The following PCDHA12 variants were observed in gnomAD, a reference collection of about 807,000 sequenced individuals.
PCDHA12 encodes the protein protocadherin alpha 12.
PCDHA12 carries 44 observed loss-of-function variants against 60.0 expected under a neutral mutation model. That is an observed-to-expected ratio of 0.73 (90% CI 0.58 to 0.94). PCDHA12 has a LOEUF of 0.94. PCDHA12 is among the 40% of genes least tolerant of loss of function. PCDHA12 has a pLI of 0.00. For missense variants in PCDHA12, 1,276 were observed against 1,239.7 expected (o/e 1.03, Z -0.44); for synonymous variants, 569 against 553.0 (o/e 1.03, Z -0.40).
rs996962116 is a variant in PCDHA12 at position 140,877,590 on chromosome 5, G to A, written c.2118G>A (p.Ala706=). 1.2e-5 allele frequency: 20 copies of A among 1,613,708 alleles called. No individual in the cohort carries two copies. The highest frequency in any genetic ancestry group is 1.7e-5 in the Admixed American group (1 of 60,008). The part of the protein sequence containing the change: ...INVYLIIAIC[A]VSSLLVLTLL... Reference sequence around the variant, plus strand: ...TGTACCTCATCATCGCCATCTGTGCGGTGTCCAGCCTGCTGGTGCTCACGC... The same window carrying A: ...TGTACCTCATCATCGCCATCTGTGCAGTGTCCAGCCTGCTGGTGCTCACGC... The change falls in exon 1 of 4, where the codon GCG becomes GCA. Residue 706 remains alanine (A), a synonymous_variant. Coordinates refer to ENST00000398631, the MANE Select transcript of PCDHA12 (RefSeq NM_018903.4).
At chr5:140,923,785 C>T (rs2081509867) in intron 1 of PCDHA12, among the ~76,000 whole-genome samples, 1 of 152,156 alleles carries the variant, frequency 6.6e-6, no homozygotes, top group African/African-American at 2.4e-5. Flanking sequence ...ATGGTTTCTT[C>T]ATTCTTTTCA....
chr5:140,997,132 C>A (rs1189394609), intron 3 of PCDHA12, among the ~76,000 whole-genome samples: 1 of 152,076 alleles, frequency 6.6e-6, no homozygotes, highest in Non-Finnish European at 1.5e-5. Flanking sequence ...CACAATGCCC[C>A]CACACCCCCG....
rs183812467 is a variant in PCDHA12, at chr5:140,921,187, A to G, written c.2367+43348A>G. Among the ~76,000 whole-genome samples the G allele has an allele frequency of 1.1e-3, 174 of 152,102 alleles. 2 individuals carry two copies. Among genetic ancestry groups the G allele is most frequent in the Non-Finnish European group, 2.1e-4 (14 of 68,012 alleles). ...AACACACATAAAGCACAGTTTTTTC[A>G]CAATAGATTGACAACGATAATTCAC... On this transcript the variant is annotated intron_variant, in intron 1 of 3. Transcript: ENST00000398631.
At chr5:140,967,562 C>T in intron 1 of PCDHA12, 1 of 1,614,064 alleles carries the variant, frequency 6.2e-7, no homozygotes, top group Non-Finnish European at 8.5e-7. Context: ...TCGCGTCCAG[C>T]TACGGGAGGA....
At chr5:140,912,721 A>G (rs377668484) in intron 1 of PCDHA12, among the ~76,000 whole-genome samples, 2 of 152,066 alleles carry the variant, frequency 1.3e-5, no homozygotes, top group East Asian at 1.9e-4. Flanking sequence ...TCTCCATTCA[A>G]TATGATGTTG....
chr5:140,985,929 CG>C (rs2097179106), intron 3 of PCDHA12, among the ~76,000 whole-genome samples: 1 of 151,796 alleles, frequency 6.6e-6, no homozygotes, highest in Non-Finnish European at 1.5e-5. Flanking sequence ...TTAGTAGAGC[CG>C]GGGTTTCACT....
chr5:140,922,434 C>T (rs1167616099), intron 1 of PCDHA12, among the ~76,000 whole-genome samples: 1 of 152,180 alleles, frequency 6.6e-6, no homozygotes, highest in Admixed American at 6.5e-5. Flanking sequence ...GAGGGCAGAA[C>T]TCTCTCATTA....
chr5:140,962,595 A>G (rs1307695991), intron 1 of PCDHA12, among the ~76,000 whole-genome samples: 1 of 152,192 alleles, frequency 6.6e-6, no homozygotes, highest in Non-Finnish European at 1.5e-5. Flanking sequence ...TTTGACTGAT[A>G]TATTTCTTCT....
rs530025575 is a variant in PCDHA12 at position 140,922,023 on chromosome 5, TA to T, written c.2367+44190del. On this transcript the variant is annotated intron_variant, in intron 1 of 3. Coordinates refer to ENST00000398631, the MANE Select transcript of PCDHA12 (RefSeq NM_018903.4). ...AATGATTAGTTTAAAAAAATAAATA[TA>T]AAAAATGTAATTTTCCCACATACCT... Among the ~76,000 whole-genome samples, 1,214 of 152,080 alleles carry T rather than the reference TA, an allele frequency of 8.0e-3. 6 individuals carry two copies. The highest frequency in any genetic ancestry group is 0.019 in the African/African-American group (784 of 41,506).
At chr5:140,985,127 C>T (rs986497777) in intron 3 of PCDHA12, among the ~76,000 whole-genome samples, 7 of 152,152 alleles carry the variant, frequency 4.6e-5, no homozygotes, top group Non-Finnish European at 1.0e-4. Flanking sequence ...TTAGTAAAGA[C>T]GGGGTTTCAC....
rs577527606 is a variant in PCDHA12 at position 140,882,595 on chromosome 5, C to A, written c.2367+4756C>A. 3.7e-6 allele frequency: 6 copies of A among 1,614,204 alleles called. No individual in the cohort carries two copies. The African/African-American group carries it at 8.0e-5, about 22-fold the overall frequency. On this transcript the variant is annotated intron_variant, in intron 1 of 3. Coordinates refer to ENST00000398631, the MANE Select transcript of PCDHA12 (RefSeq NM_018903.4). ...AGTGCAGCATCCACCTGGAGGTGAT[C>A]GTGGACAGGCCTCTGCAGGTTTTCC...
At chr5:140,911,985 A>C (rs1554195072) in intron 1 of PCDHA12, among the ~76,000 whole-genome samples, 2 of 152,204 alleles carry the variant, frequency 1.3e-5, no homozygotes, top group African/African-American at 4.8e-5. Flanking sequence ...CATGATCACA[A>C]GGTCCCACAA....
At chr5:140,960,162 C>T (rs782387212) in intron 1 of PCDHA12, among the ~76,000 whole-genome samples, 3 of 152,064 alleles carry the variant, frequency 2.0e-5, no homozygotes, top group Non-Finnish European at 4.4e-5. Context: ...ACTGATAATA[C>T]AATTCTTAAG....
chr5:140,977,640 G>A (rs2096769670), intron 1 of PCDHA12, among the ~76,000 whole-genome samples: 1 of 152,124 alleles, frequency 6.6e-6, no homozygotes, highest in South Asian at 2.1e-4. Flanking sequence ...CTTTTTCTGG[G>A]CCTTGACTTT....
At chr5:140,967,464 G>T (rs781900904) in intron 1 of PCDHA12, 1 of 1,613,504 alleles carries the variant, frequency 6.2e-7, no homozygotes, top group Non-Finnish European at 8.5e-7. Context: ...GTGGATGGGG[G>T]CATCCCAGCC....
intron 3 of PCDHA12, among the ~76,000 whole-genome samples, chr5:141,005,325 A>G (rs1430982331): frequency 6.6e-6 from 1 of 152,226 alleles, no homozygotes; most frequent in Non-Finnish European, 1.5e-5. Context: ...GTAGAGAATA[A>G]TAGGCCAAGG....
intron 1 of PCDHA12, among the ~76,000 whole-genome samples, chr5:140,914,671 A>G (rs1012780806): frequency 2.6e-5 from 4 of 151,552 alleles, no homozygotes; most frequent in Non-Finnish European, 4.4e-5. Context: ...CTTCTTTTTC[A>G]TGAAAATAAT....
At chr5:140,886,916 G>A (rs1170747823) in intron 1 of PCDHA12, among the ~76,000 whole-genome samples, 1 of 151,436 alleles carries the variant, frequency 6.6e-6, no homozygotes, top group Non-Finnish European at 1.5e-5. Flanking sequence ...CTTATTGAGT[G>A]TTCTCTATGT....
intron 1 of PCDHA12, among the ~76,000 whole-genome samples, chr5:140,908,289 G>A (rs1031565997): frequency 2.6e-5 from 4 of 152,184 alleles, no homozygotes; most frequent in Non-Finnish European, 4.4e-5. Flanking sequence ...GTTGCAAGCT[G>A]GGGAAGAGAA....
Sources: allele counts gnomAD v4.1 joint callset (sites outside exome capture counted in the v4.1 genomes callset), GRCh38; gene constraint gnomAD v4.1.1; transcripts MANE v1.5; gene names NCBI Gene and HGNC (gene_info 2026-07-23, HGNC 2026-07-21).